The following NRXN3 variants were observed in gnomAD, a reference collection of about 807,000 sequenced individuals.
NRXN3 encodes the protein neurexin III.
NRXN3 carries 32 observed loss-of-function variants against 137.6 expected under a neutral mutation model. The ratio of observed to expected loss-of-function variants is 0.23; its 90% CI spans 0.18 to 0.31. The LOEUF (loss-of-function observed/expected upper bound fraction) is 0.31, where lower values mean the gene tolerates loss of function less well. Ranked by LOEUF, NRXN3 falls within the 10% of genes least tolerant of loss-of-function variation. The probability of loss-of-function intolerance (pLI) is 1.00; values close to 1 mark genes in which losing one functional copy is unlikely to be tolerated. For synonymous variants in NRXN3, 798 were observed against 784.5 expected, an observed-to-expected ratio of 1.02 and a Z score of -0.29; for missense variants, 1,574 against 2,062.5, an observed-to-expected ratio of 0.76 and a Z score of 4.59.
intron 15 of NRXN3, among the ~76,000 whole-genome samples, chr14:79,124,289 GCT>G (rs2056016498): frequency 6.6e-6 from 1 of 152,118 alleles, no homozygotes; most frequent in Non-Finnish European, 1.5e-5. Context: ...AAAACAAAAG[GCT>G]CTCTGGCTGG....
chr14:79,610,142 A>T (rs1230366062), intron 16 of NRXN3, among the ~76,000 whole-genome samples: 1 of 152,210 alleles, frequency 6.6e-6, no homozygotes, highest in East Asian at 1.9e-4. Context: ...ATAGTATAAT[A>T]ATGATATGGA....
intron 16 of NRXN3, among the ~76,000 whole-genome samples, chr14:79,647,499 AT>A (rs2098457927): frequency 7.4e-6 from 1 of 136,042 alleles, no homozygotes; most frequent in South Asian, 2.3e-4. Flanking sequence ...TACATTTCCT[AT>A]TGGTATGTTT....
At chr14:78,762,039 G>A (rs2098694041) in intron 8 of NRXN3, among the ~76,000 whole-genome samples, 1 of 152,184 alleles carries the variant, frequency 6.6e-6, no homozygotes, top group South Asian at 2.1e-4. Context: ...TCCTGCAGAG[G>A]AAAAGTGAAA....
At chr14:78,367,036 A>C (rs2086066546) in intron 4 of NRXN3, among the ~76,000 whole-genome samples, 1 of 152,152 alleles carries the variant, frequency 6.6e-6, no homozygotes, top group African/African-American at 2.4e-5. Flanking sequence ...TAATCAATCC[A>C]ATAGACTCAT....
At position 79,786,755 on chromosome 14, in the gene NRXN3, A is replaced by G. The variant is rs527303513; in HGVS notation, c.4015-18357A>G. On this transcript the variant is annotated intron_variant, in intron 19 of 20. Coordinates refer to ENST00000335750, the MANE Select transcript of NRXN3 (RefSeq NM_001330195.2). ...AACTAAGATTTATGTAAGAAAGAAC[A>G]GTCTAGTGCATTAATGTGAATATTC... Among the ~76,000 whole-genome samples, 15 of 152,374 alleles carry G rather than the reference A, an allele frequency of 9.8e-5. No homozygotes were observed. The South Asian group carries it at 2.1e-3, about 21-fold the overall frequency.
intron 4 of NRXN3, among the ~76,000 whole-genome samples, chr14:78,644,136 A>G (rs78622061): frequency 1.6e-5 from 2 of 127,900 alleles, no homozygotes; most frequent in East Asian, 6.1e-4. Context: ...CAAGACTCAG[A>G]AAAAAAAAAA....
chr14:79,538,320 G>T (rs909317383), intron 16 of NRXN3, among the ~76,000 whole-genome samples: 22 of 152,082 alleles, frequency 1.4e-4, no homozygotes. Context: ...GTTAGTTTTG[G>T]CTTTTGTTGC....
chr14:78,955,765 T>A (rs1423290573), intron 10 of NRXN3, among the ~76,000 whole-genome samples: 1 of 152,196 alleles, frequency 6.6e-6, no homozygotes, highest in Non-Finnish European at 1.5e-5. Flanking sequence ...ATAGCTCTTA[T>A]AACCAGCAGA....
intron 15 of NRXN3, among the ~76,000 whole-genome samples, chr14:79,383,664 T>C (rs1323148905): frequency 1.3e-5 from 2 of 152,260 alleles, no homozygotes; most frequent in East Asian, 1.9e-4. Flanking sequence ...ATCCGAGTAA[T>C]AAATCACAGA....
chr14:79,373,023 T>C (rs2094156580), intron 15 of NRXN3, among the ~76,000 whole-genome samples: 1 of 152,128 alleles, frequency 6.6e-6, no homozygotes, highest in African/African-American at 2.4e-5. Flanking sequence ...TGTCTTCATT[T>C]CCTAACTCTG....
chr14:78,677,679 G>T (rs2098023502), intron 6 of NRXN3, among the ~76,000 whole-genome samples: 1 of 152,160 alleles, frequency 6.6e-6, no homozygotes, highest in African/African-American at 2.4e-5. Context: ...TTTGTAAGAA[G>T]TTCAGCTGAA....
At position 78,243,872 on chromosome 14, in the gene NRXN3, AC is replaced by A; in HGVS notation, c.709+72del. ...GCTGAGGCTGGGGCTCCTGATACAA[AC>A]CAGTTCTATATGGATGCATATCTTT... is the stretch of plus-strand genomic sequence containing the variant. On this transcript the variant is annotated intron_variant, in intron 2 of 20. Transcript: ENST00000335750. The surrounding 1 kb of genome is among the most constrained non-coding windows in gnomAD (Gnocchi z 4.2). 1 of 1,179,252 alleles carries A rather than the reference AC, an allele frequency of 8.5e-7. No individual in the cohort carries two copies. The highest frequency in any genetic ancestry group is 1.5e-5 in the South Asian group (1 of 68,620). 73.0% of individuals were successfully genotyped at this position (1,179,252 alleles called of 1,614,324 possible). A position where few individuals can be genotyped will look rare whatever the true frequency, so the allele number is the denominator to read the frequency against.
At chr14:78,809,524 A>G (rs2098897677) in intron 9 of NRXN3, among the ~76,000 whole-genome samples, 1 of 152,142 alleles carries the variant, frequency 6.6e-6, no homozygotes, top group African/African-American at 2.4e-5. Context: ...TTGTGATAAC[A>G]TCATACAACT....
chr14:79,369,851 G>A (rs1453373021), intron 15 of NRXN3, among the ~76,000 whole-genome samples: 17 of 152,248 alleles, frequency 1.1e-4, no homozygotes, highest in Non-Finnish European at 4.4e-5. Context: ...GATAATGTAC[G>A]CCAGGAACTG....
At chr14:78,935,851 C>A (rs1382090331) in intron 10 of NRXN3, among the ~76,000 whole-genome samples, 1 of 152,094 alleles carries the variant, frequency 6.6e-6, no homozygotes, top group East Asian at 1.9e-4. Context: ...TCAACTTTGT[C>A]CCCCCACCTT....
rs1191876717 is a variant in NRXN3 at position 78,675,712 on chromosome 14, C to A, written c.1221+24386C>A. The stretch of plus-strand genomic sequence containing the variant: ...AACAACTATCCTGAAGTTTCTATGG[C>A]GTCTTCTGGGCCATATTTTAAAATT... On this transcript the variant is annotated intron_variant, in intron 6 of 20. Transcript: ENST00000335750. Among the ~76,000 whole-genome samples, 4 of 152,208 alleles carry A rather than the reference C, an allele frequency of 2.6e-5. 1 individual carries two copies. The highest frequency in any genetic ancestry group is 4.2e-4 in the South Asian group (2 of 4,814).
Position 79,371,661 on chromosome 14 carries a change from G to A in NRXN3, c.3263-95560G>A, listed in dbSNP as rs528421901. ...GTAAAACAGGGCCCTCACTTCACAG[G>A]CACGGTGAATTCTTTGTTGATAAGA... On this transcript the variant is annotated intron_variant, in intron 15 of 20. Transcript: ENST00000335750. Among the ~76,000 whole-genome samples, 122 of 152,146 alleles carry A rather than the reference G, an allele frequency of 8.0e-4. 1 individual carries two copies. Among genetic ancestry groups the A allele is most frequent in the African/African-American group, 2.7e-3 (113 of 41,514 alleles).
intron 15 of NRXN3, among the ~76,000 whole-genome samples, chr14:79,049,721 C>T (rs2099639154): frequency 1.3e-5 from 2 of 152,108 alleles, no homozygotes; most frequent in Non-Finnish European, 2.9e-5. Flanking sequence ...GGTGAAATTA[C>T]TCCTCGATCC....
At chr14:79,858,736 C>T (rs1402429079) in intron 20 of NRXN3, among the ~76,000 whole-genome samples, 1 of 152,060 alleles carries the variant, frequency 6.6e-6, no homozygotes. Context: ...GCCTTCACTT[C>T]CTCTCTCTCA....
Sources: allele counts gnomAD v4.1 joint callset (sites outside exome capture counted in the v4.1 genomes callset), GRCh38; gene constraint gnomAD v4.1.1; non-coding constraint Gnocchi (gnomAD v3.1); transcripts MANE v1.5; gene names NCBI Gene and HGNC (gene_info 2026-07-23, HGNC 2026-07-21).